The following MDGA2 variants were observed in gnomAD, a reference collection of about 807,000 sequenced individuals.
The protein encoded by MDGA2 is MAM domain containing glycosylphosphatidylinositol anchor 2.
A neutral mutation model predicts 117.8 loss-of-function variants in MDGA2; 40 were observed. The ratio of observed to expected loss-of-function variants is 0.34; its 90% confidence interval spans 0.26 to 0.44. The LOEUF (loss-of-function observed/expected upper bound fraction) is 0.44. Ranked by LOEUF, MDGA2 falls within the 20% of genes least tolerant of loss-of-function variation. MDGA2 has a pLI of 1.00. For missense variants in MDGA2, 1,123 were observed against 1,250.6 expected (o/e 0.90, Z 1.54); for synonymous variants, 452 against 439.0 (o/e 1.03, Z -0.37).
intron 8 of MDGA2, among the ~76,000 whole-genome samples, chr14:46,961,682 A>T (rs1330553966): frequency 8.0e-5 from 12 of 149,508 alleles, no homozygotes; most frequent in Non-Finnish European, 1.0e-4. Flanking sequence ...TCACTCTGTC[A>T]CCCAGGCTGG....
chr14:47,144,001 A>C (rs1002053681), intron 4 of MDGA2, 77 bp downstream of exon 4: 1 of 1,054,604 alleles, frequency 9.5e-7, no homozygotes, highest in Admixed American at 3.4e-5. Flanking sequence ...CTTTTCAAAT[A>C]GCTATGAATT....
Position 46,874,173 on chromosome 14 carries a change from C to G in MDGA2, c.2465G>C (p.Gly822Ala). ...ATCTTGAGTGAACAAACAAATATTA[C>G]CATCTTCAAATCCACAATGAAATTC... is the stretch of plus-strand genomic sequence containing the variant. ...LREFHCGFEDGNICLFTQDDT... is the reference protein window; with the variant it reads ...LREFHCGFEDANICLFTQDDT... Residue 822 changes from glycine (G) to alanine (A), a missense_variant, in exon 13 of 17, where the codon GGT (glycine) becomes GCT (alanine). Around this residue, in one of 2 missense-constraint regions of MDGA2, gnomAD observed 890 missense variants for 1,050.3 expected, o/e 0.85. Transcript: ENST00000399232. 6.9e-7 allele frequency: 1 copy of G among 1,457,132 alleles called. No homozygotes were observed. Among genetic ancestry groups the G allele is most frequent in the South Asian group, 1.7e-5 (1 of 60,330 alleles). 90.3% of individuals were successfully genotyped at this position (1,457,132 alleles called of 1,614,324 possible). A position where few individuals can be genotyped will look rare whatever the true frequency, so the allele number is the denominator to read the frequency against.
intron 3 of MDGA2, among the ~76,000 whole-genome samples, chr14:47,171,129 C>G (rs564413807): frequency 2.6e-5 from 4 of 152,074 alleles, no homozygotes; most frequent in African/African-American, 9.6e-5. Context: ...AAAATCATAA[C>G]GTTTTAAAAA....
At chr14:47,118,341 A>G (rs1344330195) in intron 5 of MDGA2, among the ~76,000 whole-genome samples, 1 of 152,222 alleles carries the variant, frequency 6.6e-6, no homozygotes, top group Non-Finnish European at 1.5e-5. Context: ...TAAATAGGTT[A>G]CTACACAAAA....
intron 1 of MDGA2, among the ~76,000 whole-genome samples, chr14:47,559,854 T>G (rs990200142): frequency 2.0e-5 from 3 of 152,138 alleles, no homozygotes; most frequent in Non-Finnish European, 2.9e-5. Context: ...ATTACAGGCA[T>G]GAGCCACCAT....
At chr14:47,087,081 C>G (rs180795056) in intron 6 of MDGA2, among the ~76,000 whole-genome samples, 2 of 152,218 alleles carry the variant, frequency 1.3e-5, no homozygotes, top group Non-Finnish European at 2.9e-5. Flanking sequence ...ATAACCAATA[C>G]ATAATTTTTT....
At chr14:46,869,475 A>G (rs191412081) in intron 14 of MDGA2, among the ~76,000 whole-genome samples, 2 of 151,244 alleles carry the variant, frequency 1.3e-5, no homozygotes, top group African/African-American at 4.9e-5. Flanking sequence ...CAGATGTTGT[A>G]TCACTTACAT....
intron 10 of MDGA2, among the ~76,000 whole-genome samples, chr14:46,894,875 A>G (rs950874908): frequency 2.6e-5 from 4 of 152,176 alleles, no homozygotes; most frequent in African/African-American, 9.7e-5. Flanking sequence ...TCAAGTTTGG[A>G]AAAAACACAT....
At chr14:47,126,791 G>C (rs887612946) in intron 5 of MDGA2, among the ~76,000 whole-genome samples, 1 of 152,092 alleles carries the variant, frequency 6.6e-6, no homozygotes, top group African/African-American at 2.4e-5. Flanking sequence ...TAGTTCAGCA[G>C]GTATGGGATG....
chr14:47,386,188 A>G (rs1168068341), intron 1 of MDGA2, among the ~76,000 whole-genome samples: 1 of 152,124 alleles, frequency 6.6e-6, no homozygotes, highest in Non-Finnish European at 1.5e-5. Context: ...AGGCTGAGGC[A>G]GGAGAATTGT....
At chr14:47,360,533 T>G (rs1891097629) in intron 1 of MDGA2, among the ~76,000 whole-genome samples, 1 of 152,008 alleles carries the variant, frequency 6.6e-6, no homozygotes, top group Non-Finnish European at 1.5e-5. Flanking sequence ...GAAATTTCAC[T>G]TTACATCTGT....
chr14:47,645,298 C>T (rs1324506861), intron 1 of MDGA2, among the ~76,000 whole-genome samples: 1 of 151,430 alleles, frequency 6.6e-6, no homozygotes, highest in South Asian at 2.1e-4. Context: ...GCTGGAGGTG[C>T]GGTGGCGCGA....
At chr14:47,139,099 A>G (rs1594661043) in intron 4 of MDGA2, among the ~76,000 whole-genome samples, 1 of 152,244 alleles carries the variant, frequency 6.6e-6, no homozygotes, top group East Asian at 1.9e-4. Flanking sequence ...ATTAAAAACA[A>G]GACATTATTA....
chr14:47,385,468 C>T (rs1352336798), intron 1 of MDGA2, among the ~76,000 whole-genome samples: 1 of 152,004 alleles, frequency 6.6e-6, no homozygotes, highest in Non-Finnish European at 1.5e-5. Flanking sequence ...GAAACACAAT[C>T]ATAAATATTT....
At chr14:47,154,232 G>A (rs1263313845) in intron 3 of MDGA2, among the ~76,000 whole-genome samples, 2 of 152,158 alleles carry the variant, frequency 1.3e-5, no homozygotes, top group African/African-American at 2.4e-5. Flanking sequence ...AATGCCCAAT[G>A]TTTGAAATAG....
chr14:47,297,621 C>T (rs184241183), intron 2 of MDGA2, among the ~76,000 whole-genome samples: 1 of 152,096 alleles, frequency 6.6e-6, no homozygotes, highest in East Asian at 1.9e-4. Flanking sequence ...GATTTACTGG[C>T]AAACCCTTAC....
intron 9 of MDGA2, among the ~76,000 whole-genome samples, chr14:46,936,114 G>A (rs1371443531): frequency 2.0e-5 from 3 of 151,914 alleles, no homozygotes; most frequent in African/African-American, 7.3e-5. Flanking sequence ...TGAAGGAAGT[G>A]GTCCACAAAG....
chr14:47,197,633 G>A (rs1885334424), intron 3 of MDGA2, among the ~76,000 whole-genome samples: 3 of 152,164 alleles, frequency 2.0e-5, no homozygotes, highest in Admixed American at 1.3e-4. Context: ...ACTGTAGGCT[G>A]GGCCTGGTGG....
In MDGA2 at chr14:47,512,843, G is replaced by A. The variant is rs375697989; in HGVS notation, c.280+161674C>T. On this transcript the variant is annotated intron_variant, in intron 1 of 16. Coordinates refer to ENST00000399232, the MANE Select transcript of MDGA2 (RefSeq NM_001113498.3). ...GTTTTATCATCCTCATTTAACACAC[G>A]ATCTTTTCTAGCTCTCAACCAGCAT... Among the ~76,000 whole-genome samples the A allele has an allele frequency of 3.4e-4, 52 of 152,016 alleles. No homozygotes were observed. The East Asian group carries it at 6.4e-3, about 19-fold the overall frequency.
Sources: gnomAD v4.1 joint callset for allele counts (sites outside exome capture counted in the v4.1 genomes callset) on GRCh38, gnomAD v4.1.1 for gene constraint, gnomAD v4.1.1 regional missense constraint, MANE v1.5 for transcripts, NCBI Gene and HGNC (gene_info 2026-07-23, HGNC 2026-07-21) for gene names.